Variants in SUGCT observed in about 807,000 individuals in gnomAD.
SUGCT encodes the protein succinyl-CoA:glutarate-CoA transferase.
In SUGCT, 41 loss-of-function variants were observed where a neutral mutation model predicts 55.0. The observed-to-expected ratio is 0.74, with a 90% CI of 0.58 to 0.97. The LOEUF is 0.97. Ranked by LOEUF, SUGCT falls within the 50% of genes least tolerant of loss-of-function variation. SUGCT has a pLI of 0.00. For synonymous variants in SUGCT, 187 were observed against 200.4 expected (o/e 0.93, Z 0.56); for missense variants, 568 against 547.8 (o/e 1.04, Z -0.37).
At chr7:40,249,348 A>ATATATATATATAG in intron 7 of SUGCT, among the ~76,000 whole-genome samples, 1 of 69,450 alleles carries the variant, frequency 1.4e-5, no homozygotes. Context: ...TATATATATA[A>ATATATATATATAG]TTATATTATA....
At chr7:40,367,545 AT>A (rs1010557250) in intron 9 of SUGCT, among the ~76,000 whole-genome samples, 25 of 151,472 alleles carry the variant, frequency 1.7e-4, no homozygotes, top group Admixed American at 7.9e-4. Context: ...AAAACACTTA[AT>A]TTTTTTTTCT....
intron 5 of SUGCT, 110 bp from the exon 6 acceptor site, chr7:40,194,830 G>A (rs1396925441): frequency 7.7e-7 from 1 of 1,290,686 alleles, no homozygotes; most frequent in East Asian, 2.6e-5. Flanking sequence ...CATCAGTCCT[G>A]TGATTTTTCT....
At position 40,217,108 on chromosome 7, in the gene SUGCT, T is replaced by C. The variant is rs1009430749; in HGVS notation, c.485-20527T>C. Among the ~76,000 whole-genome samples, 4 of 152,194 alleles carry C rather than the reference T, an allele frequency of 2.6e-5. No homozygotes were observed. The East Asian group carries it at 7.7e-4, about 29-fold the overall frequency. On this transcript the variant is annotated intron_variant, in intron 6 of 13. Transcript: ENST00000335693. ...CACTGAGGTTTCTAGTCTGTTGTCT[T>C]AACTGCCTGATACTGTGATTAAGCT...
chr7:40,355,057 T>C (rs907712932), intron 9 of SUGCT, among the ~76,000 whole-genome samples: 8 of 152,166 alleles, frequency 5.3e-5, no homozygotes, highest in African/African-American at 1.9e-4. Flanking sequence ...TAGAGTTCCA[T>C]AAAACTCCAG....
At chr7:40,831,112 A>C (rs959910289) in intron 13 of SUGCT, among the ~76,000 whole-genome samples, 3 of 152,190 alleles carry the variant, frequency 2.0e-5, no homozygotes, top group African/African-American at 2.4e-5. Flanking sequence ...AATGTACCCC[A>C]GGCCTGCCTC....
intron 9 of SUGCT, among the ~76,000 whole-genome samples, chr7:40,331,880 T>C (rs1796327784): frequency 6.6e-6 from 1 of 152,158 alleles, no homozygotes; most frequent in African/African-American, 2.4e-5. Context: ...TCAAGCTCAG[T>C]AGAATTGTTA....
At chr7:40,206,666 T>A (rs1249177826) in intron 6 of SUGCT, among the ~76,000 whole-genome samples, 1 of 152,244 alleles carries the variant, frequency 6.6e-6, no homozygotes, top group Non-Finnish European at 1.5e-5. Context: ...TGCATATAAC[T>A]TATGCACATC....
intron 13 of SUGCT, among the ~76,000 whole-genome samples, chr7:40,766,333 C>T (rs1232285206): frequency 6.6e-6 from 1 of 152,162 alleles, no homozygotes; most frequent in Admixed American, 6.5e-5. Context: ...ACCTCAGCCT[C>T]CTGAGTAGCT....
intron 12 of SUGCT, among the ~76,000 whole-genome samples, chr7:40,650,445 T>C (rs1228372947): frequency 6.6e-6 from 1 of 152,292 alleles, no homozygotes; most frequent in East Asian, 1.9e-4. Context: ...GGTTGAATAA[T>C]CTGAGATCAT....
At chr7:40,914,705 C>T in the SUGCT span, among the ~76,000 whole-genome samples, 1 of 152,206 alleles carries the variant, frequency 6.6e-6, no homozygotes, top group African/African-American at 2.4e-5. Flanking sequence ...CCATATCTTA[C>T]ACTGCTGTAT....
At chr7:40,726,628 C>T (rs904793143) in intron 12 of SUGCT, among the ~76,000 whole-genome samples, 1 of 152,112 alleles carries the variant, frequency 6.6e-6, no homozygotes, top group African/African-American at 2.4e-5. Flanking sequence ...TCTTATATTT[C>T]AGTGTAATCA....
rs115533350 is a variant in SUGCT, at chr7:40,297,406, C to T, written c.721-19354C>T. On this transcript the variant is annotated intron_variant, in intron 8 of 13. Coordinates refer to ENST00000335693, the MANE Select transcript of SUGCT (RefSeq NM_001193313.2). ...AAAATTAAATGAAACATGCTGATGG[C>T]GTATTTCTTATTGTAAACATCCATG... Among the ~76,000 whole-genome samples the T allele has an allele frequency of 4.0e-3, 607 of 151,906 alleles. 4 individuals are homozygous for T. Among genetic ancestry groups the T allele is most frequent in the African/African-American group, 0.014 (577 of 41,384 alleles).
chr7:40,859,749 G>A (rs181054827), intron 13 of SUGCT, among the ~76,000 whole-genome samples: 13 of 152,330 alleles, frequency 8.5e-5, no homozygotes, highest in Admixed American at 3.3e-4. Context: ...GCATAAGAGC[G>A]GAGAGCAAAG....
intron 8 of SUGCT, among the ~76,000 whole-genome samples, chr7:40,275,649 A>G (rs1252982022): frequency 6.6e-6 from 1 of 152,178 alleles, no homozygotes; most frequent in Non-Finnish European, 1.5e-5. Context: ...TTATAATAGA[A>G]TAAAATGCTA....
chr7:40,787,935 C>G (rs1315221363), intron 13 of SUGCT, among the ~76,000 whole-genome samples: 2 of 152,106 alleles, frequency 1.3e-5, no homozygotes, highest in African/African-American at 2.4e-5. Context: ...CTCCCCTGCC[C>G]GGTGGTAACA....
intron 12 of SUGCT, among the ~76,000 whole-genome samples, chr7:40,694,302 G>A (rs1379136040): frequency 1.3e-5 from 2 of 152,208 alleles, no homozygotes; most frequent in African/African-American, 4.8e-5. Flanking sequence ...ACATAACTGT[G>A]ATGGTTTGCA....
intron 7 of SUGCT, among the ~76,000 whole-genome samples, chr7:40,264,059 T>C (rs1271179139): frequency 1.3e-5 from 2 of 152,214 alleles, no homozygotes; most frequent in South Asian, 2.1e-4. Context: ...TCACCACTTA[T>C]AGCCTAAATT....
intron 11 of SUGCT, among the ~76,000 whole-genome samples, chr7:40,472,844 C>T (rs532381971): frequency 6.6e-6 from 1 of 152,218 alleles, no homozygotes; most frequent in African/African-American, 2.4e-5. Flanking sequence ...ATGTTCTTGA[C>T]TTTCACTTTG....
intron 12 of SUGCT, among the ~76,000 whole-genome samples, chr7:40,520,966 A>G (rs995621896): frequency 5.3e-5 from 8 of 152,160 alleles, no homozygotes; most frequent in Non-Finnish European, 1.2e-4. Context: ...AAACTAGTAA[A>G]TAATTTTATT....
Sources: gnomAD v4.1 joint callset for allele counts (sites outside exome capture counted in the v4.1 genomes callset) on GRCh38, gnomAD v4.1.1 for gene constraint, MANE v1.5 for transcripts, NCBI Gene and HGNC (gene_info 2026-07-23, HGNC 2026-07-21) for gene names.